The following PCM1 variants were observed in gnomAD, a reference collection of about 807,000 sequenced individuals.
PCM1 encodes pericentriolar material 1.
Under a neutral mutation model 241.9 loss-of-function variants are expected in PCM1, and 157 were observed. The ratio of observed to expected loss-of-function variants is 0.65; its 90% confidence interval spans 0.57 to 0.74. The LOEUF is 0.74. Among genes scored for constraint, PCM1 ranks in the 30% least tolerant of loss-of-function variants. PCM1 has a pLI of 0.00. For missense variants in PCM1, 3,478 were observed against 2,360.1 expected, an observed-to-expected ratio of 1.47 and a Z score of -9.81; for synonymous variants, 1,085 against 784.9, an observed-to-expected ratio of 1.38 and a Z score of -6.39.
intron 34 of PCM1, among the ~76,000 whole-genome samples, chr8:18,013,438 G>C (rs959505696): frequency 2.0e-4 from 30 of 152,088 alleles, no homozygotes; most frequent in African/African-American, 7.0e-4. Flanking sequence ...AATATAATCT[G>C]CCATTTTCTG....
chr8:17,949,851 T>C (rs1303431658), intron 7 of PCM1, among the ~76,000 whole-genome samples: 3 of 152,204 alleles, frequency 2.0e-5, no homozygotes, highest in South Asian at 2.1e-4. Flanking sequence ...GATGGAGTTA[T>C]TTGTTAGTAG....
rs1318261048 is a variant in PCM1 at position 18,010,555 on chromosome 8, A to G, written c.5161-54A>G. On this transcript the variant is annotated intron_variant, in intron 31 of 38. Transcript: ENST00000325083. ...GGGAGGCTGAGACATGAGAAATGCTAAATTATGTATCTAAGTATGTTGCTA... is the reference window on the plus strand; with the variant it reads ...GGGAGGCTGAGACATGAGAAATGCTGAATTATGTATCTAAGTATGTTGCTA... 3.0e-6 allele frequency: 4 copies of G among 1,340,850 alleles called. No individual in the cohort carries two copies. In the African/African-American group the frequency reaches 4.5e-5, roughly 15 times the overall value. 83.1% of individuals were successfully genotyped at this position (1,340,850 alleles called of 1,614,324 possible).
intron 7 of PCM1, among the ~76,000 whole-genome samples, chr8:17,948,978 C>G (rs1045567346): frequency 2.0e-5 from 3 of 152,012 alleles, no homozygotes; most frequent in Admixed American, 2.0e-4. Context: ...TTGTGGCTTG[C>G]CTAGATTTAT....
At chr8:17,957,475 G>A in intron 12 of PCM1, 54 bp downstream of exon 12, 2 of 1,606,594 alleles carry the variant, frequency 1.2e-6, no homozygotes, top group Non-Finnish European at 1.7e-6. Context: ...TACAAAGTGG[G>A]TTTTCGTTCA....
At chr8:17,954,967 G>C (rs979844301) in intron 9 of PCM1, among the ~76,000 whole-genome samples, 1 of 152,044 alleles carries the variant, frequency 6.6e-6, no homozygotes, top group Non-Finnish European at 1.5e-5. Flanking sequence ...TTGGTGTCCA[G>C]ATGTGACATC....
At chr8:17,930,303 C>G (rs1303690812) in intron 2 of PCM1, among the ~76,000 whole-genome samples, 1 of 151,652 alleles carries the variant, frequency 6.6e-6, no homozygotes, top group African/African-American at 2.4e-5. Flanking sequence ...CAGGGTTTCA[C>G]CGTGTTAGCC....
In PCM1 at chr8:17,937,205, T is replaced by G. The variant is rs2060682825; in HGVS notation, c.168T>G (p.Ser56Arg). The G allele has an allele frequency of 6.2e-7, 1 of 1,602,816 alleles. No homozygotes were observed. The highest frequency in any genetic ancestry group is 1.3e-5 in the African/African-American group (1 of 74,796). Residue 56 changes from serine to arginine, a missense_variant, in exon 4 of 39, where the codon AGT becomes AGG. By Grantham distance (110) the Ser-to-Arg change is moderately radical. Transcript: ENST00000325083. ...EKNKKKFGVE[S>R]DKRVTNDISP... ...ATAAGAAAAAGTTTGGTGTAGAAAG[T>G]GATAAAAGAGTAACCAATGATATTT...
rs2094353705 is a variant in PCM1 at position 18,028,158 on chromosome 8, T to A, written c.*496T>A. On this transcript the variant is annotated 3_prime_UTR_variant, in exon 39 of 39. Transcript: ENST00000325083. ...TTGCTGCTGTTGGGTCTGATGTTCT[T>A]CTTTTAGATACCTGCAGGTCCTATT... 1 of 195,106 alleles carries A rather than the reference T, an allele frequency of 5.1e-6. No individual in the cohort carries two copies. The highest frequency in any genetic ancestry group is 1.9e-4 in the South Asian group (1 of 5,180). 12.1% of individuals were successfully genotyped at this position (195,106 alleles called of 1,614,324 possible). A position where few individuals can be genotyped will look rare whatever the true frequency, so the allele number is the denominator to read the frequency against.
chr8:17,940,374 A>G (rs983697608), intron 6 of PCM1, among the ~76,000 whole-genome samples: 2 of 152,202 alleles, frequency 1.3e-5, no homozygotes, highest in Admixed American at 6.5e-5. Flanking sequence ...GTTAATTTGA[A>G]AATGTAATTT....
chr8:17,957,804 T>G (rs376367921), intron 13 of PCM1, 29 bp downstream of exon 13: 1 of 1,474,932 alleles, frequency 6.8e-7, no homozygotes, highest in African/African-American at 1.4e-5. Flanking sequence ...TTTAAAAACC[T>G]ATTTGTCAAA....
Position 18,000,576 on chromosome 8 carries a change from TGAA to T in PCM1, c.4828-5682_4828-5680del, listed in dbSNP as rs144046531. 8.5e-4 allele frequency among the ~76,000 whole-genome samples: 127 copies of T among 148,714 alleles called. 2 individuals are homozygous for T. The East Asian group carries it at 0.023, about 27-fold the overall frequency. On this transcript the variant is annotated intron_variant, in intron 29 of 38. Coordinates refer to ENST00000325083, the MANE Select transcript of PCM1 (RefSeq NM_006197.4). Reference sequence around the variant, plus strand: ...TAGGAGGAAATACGATTTACCAAAATGAAGAAGGCTTGGGAGAAGGGGGAGATG... The same window carrying T: ...TAGGAGGAAATACGATTTACCAAAATGAAGGCTTGGGAGAAGGGGGAGATG...
At chr8:17,961,583 T>C (rs2072149700) in intron 15 of PCM1, among the ~76,000 whole-genome samples, 1 of 152,172 alleles carries the variant, frequency 6.6e-6, no homozygotes, top group Non-Finnish European at 1.5e-5. Flanking sequence ...AGTGTTGGGA[T>C]TACAGGCGTG....
chr8:17,976,670 A>G (rs1285608737), intron 23 of PCM1, among the ~76,000 whole-genome samples: 5 of 152,162 alleles, frequency 3.3e-5, no homozygotes, highest in African/African-American at 9.7e-5. Flanking sequence ...CTTTCCCTTC[A>G]GTGGAGGCTC....
In PCM1 at chr8:17,957,379, T is replaced by A. The variant is rs1361581045; in HGVS notation, c.1762T>A (p.Ser588Thr). 1.9e-6 allele frequency: 3 copies of A among 1,612,614 alleles called. No homozygotes were observed. In the Admixed American group the frequency reaches 5.0e-5, roughly 27 times the overall value. The change falls in exon 12 of 39, where the codon TCT becomes ACT. Residue 588 changes from serine to threonine, a missense_variant. Ser to Thr is a moderately conservative substitution (Grantham distance 58). Transcript: ENST00000325083. ...TTCTAATTGTGAAATTAACAACAGATCTGCTGCCAACATAAGGGCTCTAAA... is the reference window on the plus strand; with the variant it reads ...TTCTAATTGTGAAATTAACAACAGAACTGCTGCCAACATAAGGGCTCTAAA... Reference protein sequence around the residue: ...VNSNCEINNRSAANIRALNMP... With the variant: ...VNSNCEINNRTAANIRALNMP...
rs537324943 is a variant in PCM1 at position 17,964,519 on chromosome 8, TTTAAC to T, written c.2655-45_2655-41del. On this transcript the variant is annotated intron_variant, in intron 17 of 38. Transcript: ENST00000325083. ...CTGGCACATAGTAGGTGGCAGAGTATTTAACTTATCTCCAGAATGACATCTGTTTT... is the reference window on the plus strand; with the variant it reads ...CTGGCACATAGTAGGTGGCAGAGTATTTATCTCCAGAATGACATCTGTTTT... 2.7e-4 allele frequency: 392 copies of T among 1,441,114 alleles called. No homozygotes were observed. The African/African-American group carries it at 4.2e-3, about 16-fold the overall frequency. The allele number at this position is 1,441,114 out of a possible 1,614,324, so 89.3% of individuals were successfully genotyped here. A position where few individuals can be genotyped will look rare whatever the true frequency, so the allele number is the denominator to read the frequency against.
chr8:17,931,643 G>A (rs1311808010), intron 2 of PCM1, among the ~76,000 whole-genome samples: 2 of 152,128 alleles, frequency 1.3e-5, no homozygotes. Context: ...AAAATGATAT[G>A]TAATAATTTT....
At chr8:17,976,211 ATTAC>A (rs937576291) in intron 23 of PCM1, among the ~76,000 whole-genome samples, 8 of 152,208 alleles carry the variant, frequency 5.3e-5, no homozygotes, top group African/African-American at 1.9e-4. Flanking sequence ...ACAGTTATTA[ATTAC>A]TTAGGCAGAG....
Position 18,009,773 on chromosome 8 carries a change from A to C in PCM1, c.5160+29A>C, listed in dbSNP as rs957213153. The C allele has an allele frequency of 2.4e-6, 3 of 1,272,464 alleles. No homozygotes were observed. In the African/African-American group the frequency reaches 4.5e-5, roughly 19 times the overall value. 78.8% of individuals were successfully genotyped at this position (1,272,464 alleles called of 1,614,324 possible). A position where few individuals can be genotyped will look rare whatever the true frequency, so the allele number is the denominator to read the frequency against. ...AATAACGTTCATTTTGATTTTTAGG[A>C]TAATTGACACATAAATACAGTTCTT... On this transcript the variant is annotated intron_variant, in intron 31 of 38. Coordinates refer to ENST00000325083, the MANE Select transcript of PCM1 (RefSeq NM_006197.4).
intron 8 of PCM1, among the ~76,000 whole-genome samples, chr8:17,951,093 G>A (rs1022935855): frequency 2.0e-5 from 3 of 152,044 alleles, no homozygotes; most frequent in African/African-American, 7.2e-5. Context: ...TGTGTCCTTC[G>A]ACTAGATACA....
Sources: allele counts gnomAD v4.1 joint callset (sites outside exome capture counted in the v4.1 genomes callset), GRCh38; gene constraint gnomAD v4.1.1; transcripts MANE v1.5; gene names NCBI Gene and HGNC (gene_info 2026-07-23, HGNC 2026-07-21).